The following DPP6 variants were observed in gnomAD, a reference collection of about 807,000 sequenced individuals.
DPP6 encodes A-type potassium channel modulatory protein DPP6.
In DPP6, 69 loss-of-function variants were observed where a neutral mutation model predicts 122.6. That is an observed-to-expected ratio of 0.56 (90% CI 0.46 to 0.69). DPP6 has a LOEUF of 0.69. Ranked by LOEUF, DPP6 falls within the 30% of genes least tolerant of loss-of-function variation. The probability of loss-of-function intolerance (pLI) is 0.00; values close to 1 mark genes in which losing one functional copy is unlikely to be tolerated. For missense variants in DPP6, 928 were observed against 1,116.9 expected, an observed-to-expected ratio of 0.83 and a Z score of 2.41; for synonymous variants, 418 against 433.1, an observed-to-expected ratio of 0.97 and a Z score of 0.43.
chr7:154,191,547 T>C (rs572566985), intron 1 of DPP6, among the ~76,000 whole-genome samples: 3 of 152,320 alleles, frequency 2.0e-5, no homozygotes, highest in Admixed American at 2.0e-4. Flanking sequence ...ACCCTTTAGC[T>C]GAAGCATCTA....
intron 3 of DPP6, among the ~76,000 whole-genome samples, chr7:154,502,543 T>G (rs1825341485): frequency 6.6e-6 from 1 of 152,130 alleles, no homozygotes; most frequent in Non-Finnish European, 1.5e-5. Context: ...CTGCACCAGC[T>G]CTCTTCTCTT....
chr7:154,348,322 A>G (rs900122774), intron 1 of DPP6, among the ~76,000 whole-genome samples: 1 of 152,260 alleles, frequency 6.6e-6, no homozygotes, highest in Non-Finnish European at 1.5e-5. Context: ...TTATAGGCTT[A>G]CAAATAATTG....
intron 1 of DPP6, among the ~76,000 whole-genome samples, chr7:154,144,214 G>T (rs2150668599): frequency 6.6e-6 from 1 of 151,888 alleles, no homozygotes; most frequent in South Asian, 2.1e-4. Flanking sequence ...CCTGGTATTT[G>T]GTATGATTTC....
At chr7:153,786,740 GAAAAAAA>G in the DPP6 span, among the ~76,000 whole-genome samples, 13 of 31,806 alleles carry the variant, frequency 4.1e-4, 1 homozygote, top group Admixed American at 5.1e-3. Flanking sequence ...CTCCGTCTCA[GAAAAAAA>G]AAAAAAAAAA....
At chr7:154,530,104 G>T (rs1157653572) in intron 3 of DPP6, among the ~76,000 whole-genome samples, 1 of 151,286 alleles carries the variant, frequency 6.6e-6, no homozygotes, top group Admixed American at 6.6e-5. Context: ...CAGCCAGGGT[G>T]TCAGAGTGAG....
chr7:154,333,697 T>G (rs1331506821), intron 1 of DPP6, among the ~76,000 whole-genome samples: 3 of 152,210 alleles, frequency 2.0e-5, no homozygotes, highest in Non-Finnish European at 2.9e-5. Flanking sequence ...TTGTGAAAAC[T>G]GGAATCAGAA....
intron 16 of DPP6, among the ~76,000 whole-genome samples, chr7:154,826,795 T>TA (rs1800185402): frequency 6.6e-6 from 1 of 152,228 alleles, no homozygotes; most frequent in Non-Finnish European, 1.5e-5. Flanking sequence ...GTGCTTAAAA[T>TA]AGTCACATGC....
intron 17 of DPP6, among the ~76,000 whole-genome samples, chr7:154,855,488 G>A (rs1336373242): frequency 6.6e-6 from 1 of 152,224 alleles, no homozygotes; most frequent in African/African-American, 2.4e-5. Context: ...CTCCCAGGCT[G>A]CTTTCCAGCC....
At chr7:154,601,512 G>A (rs905456597) in intron 5 of DPP6, among the ~76,000 whole-genome samples, 2 of 120,662 alleles carry the variant, frequency 1.7e-5, no homozygotes, top group African/African-American at 5.3e-5. Context: ...CAGTCCATTT[G>A]TTTGATAATA....
At chr7:154,656,609 G>C (rs1837268228) in intron 6 of DPP6, among the ~76,000 whole-genome samples, 1 of 152,206 alleles carries the variant, frequency 6.6e-6, no homozygotes, top group Non-Finnish European at 1.5e-5. Flanking sequence ...AGGGACAGGA[G>C]AGAAGGTCAG....
chr7:154,780,104 C>T (rs1176002903), intron 10 of DPP6, among the ~76,000 whole-genome samples: 3 of 152,212 alleles, frequency 2.0e-5, no homozygotes, highest in African/African-American at 7.2e-5. Flanking sequence ...GCTTTGTTTA[C>T]AGCCTTGTGC....
intron 6 of DPP6, among the ~76,000 whole-genome samples, chr7:154,652,317 T>C (rs1301498983): frequency 6.6e-6 from 1 of 152,154 alleles, no homozygotes; most frequent in African/African-American, 2.4e-5. Flanking sequence ...TTATTACTTT[T>C]TTTCCCCTAC....
At chr7:154,257,786 G>A (rs1802750950) in intron 1 of DPP6, among the ~76,000 whole-genome samples, 1 of 152,128 alleles carries the variant, frequency 6.6e-6, no homozygotes, top group African/African-American at 2.4e-5. Context: ...AAGATAGAAG[G>A]TAATGGTTCC....
At chr7:153,804,267 G>A in the DPP6 span, among the ~76,000 whole-genome samples, 1 of 151,966 alleles carries the variant, frequency 6.6e-6, no homozygotes, top group Admixed American at 6.6e-5. Flanking sequence ...GGCCAGACTG[G>A]TCTCGAACTC....
At chr7:154,773,013 T>C in intron 10 of DPP6, 71 bp downstream of exon 10, 2 of 1,427,846 alleles carry the variant, frequency 1.4e-6, no homozygotes, top group Non-Finnish European at 1.8e-6. Context: ...GCATGGTCTC[T>C]TCTGGATCAG....
the DPP6 span, among the ~76,000 whole-genome samples, chr7:153,834,900 A>G: frequency 6.6e-6 from 1 of 152,220 alleles, no homozygotes; most frequent in Non-Finnish European, 1.5e-5. Flanking sequence ...CTCGGCAATA[A>G]CTATTAGCAA....
At chr7:154,555,586 C>T (rs532258353) in intron 4 of DPP6, among the ~76,000 whole-genome samples, 142 of 151,544 alleles carry the variant, frequency 9.4e-4, no homozygotes, top group Admixed American at 5.5e-3. Context: ...CTGCATGTTG[C>T]GCACATGTAC....
At chr7:154,130,353 G>A (rs1795205893) in intron 1 of DPP6, among the ~76,000 whole-genome samples, 1 of 152,110 alleles carries the variant, frequency 6.6e-6, no homozygotes, top group African/African-American at 2.4e-5. Flanking sequence ...GCTGAAACTT[G>A]CCAGCTGTAA....
chr7:154,619,607 G>A (rs1422225669), intron 5 of DPP6, among the ~76,000 whole-genome samples: 1 of 152,154 alleles, frequency 6.6e-6, no homozygotes, highest in Non-Finnish European at 1.5e-5. Flanking sequence ...GTAAAAATTT[G>A]TGAAAGAGCC....
Sources: gnomAD v4.1 joint callset for allele counts (sites outside exome capture counted in the v4.1 genomes callset) on GRCh38, gnomAD v4.1.1 for gene constraint, MANE v1.5 for transcripts, NCBI Gene and HGNC (gene_info 2026-07-23, HGNC 2026-07-21) for gene names.